SLCO6A1: variants seen among roughly 807,000 people sequenced by gnomAD.
The protein encoded by SLCO6A1 is solute carrier organic anion transporter family member 6A1.
In SLCO6A1, 65 loss-of-function variants were observed where a neutral mutation model predicts 72.7. The ratio of observed to expected loss-of-function variants is 0.89; its 90% CI spans 0.73 to 1.10. The LOEUF is 1.10. SLCO6A1 is among the 50% of genes least tolerant of loss of function. The probability of loss-of-function intolerance (pLI) is 0.00; values close to 1 mark genes in which losing one functional copy is unlikely to be tolerated. For missense variants in SLCO6A1, 874 were observed against 872.6 expected (o/e 1.00, Z -0.02); for synonymous variants, 314 against 298.2 (o/e 1.05, Z -0.55).
intron 1 of SLCO6A1, among the ~76,000 whole-genome samples, chr5:102,483,426 AG>A (rs1580513855): frequency 6.6e-5 from 10 of 152,306 alleles, no homozygotes; most frequent in Admixed American, 2.6e-4. Context: ...CTCACCAAAA[AG>A]TGTGCCTCTT....
intron 12 of SLCO6A1, among the ~76,000 whole-genome samples, chr5:102,386,016 G>A (rs1352606722): frequency 5.3e-5 from 8 of 152,012 alleles, no homozygotes; most frequent in Non-Finnish European, 8.8e-5. Context: ...GTTTTATTGC[G>A]TTGCTTTGGT....
intron 6 of SLCO6A1, among the ~76,000 whole-genome samples, chr5:102,448,059 T>G (rs1395700811): frequency 6.6e-6 from 1 of 152,202 alleles, no homozygotes; most frequent in Non-Finnish European, 1.5e-5. Flanking sequence ...CCAGAGATTC[T>G]GGTATGTTGT....
At chr5:102,483,989 T>C (rs940694546) in intron 1 of SLCO6A1, among the ~76,000 whole-genome samples, 1 of 152,208 alleles carries the variant, frequency 6.6e-6, no homozygotes, top group African/African-American at 2.4e-5. Context: ...GAGTTTCTTA[T>C]GAAACTAGGA....
At chr5:102,469,633 A>G (rs1310846461) in intron 4 of SLCO6A1, among the ~76,000 whole-genome samples, 1 of 152,022 alleles carries the variant, frequency 6.6e-6, no homozygotes, top group East Asian at 1.9e-4. Context: ...CTCTTTTTGT[A>G]ATTAAATACC....
intron 4 of SLCO6A1, among the ~76,000 whole-genome samples, chr5:102,473,523 A>G (rs888806955): frequency 3.3e-5 from 5 of 152,028 alleles, no homozygotes; most frequent in African/African-American, 7.2e-5. Context: ...ATCATACTCA[A>G]TGGTGAAAAC....
intron 7 of SLCO6A1, among the ~76,000 whole-genome samples, chr5:102,422,746 C>G (rs977050953): frequency 2.6e-5 from 4 of 152,106 alleles, no homozygotes; most frequent in African/African-American, 9.6e-5. Flanking sequence ...CAAGACAGGC[C>G]AACATTCAAA....
intron 6 of SLCO6A1, among the ~76,000 whole-genome samples, chr5:102,451,833 C>G (rs1750434761): frequency 6.6e-6 from 1 of 152,186 alleles, no homozygotes; most frequent in Admixed American, 6.5e-5. Context: ...TGTCTCCTCT[C>G]CATGACAGCA....
At chr5:102,389,686 A>G (rs1207659153) in intron 11 of SLCO6A1, among the ~76,000 whole-genome samples, 1 of 151,746 alleles carries the variant, frequency 6.6e-6, no homozygotes, top group African/African-American at 2.4e-5. Flanking sequence ...TCCATTTTTT[A>G]CCATCTTTTT....
Position 102,414,327 on chromosome 5 carries a change from C to T in SLCO6A1, c.1473-1184G>A, listed in dbSNP as rs192992725. On this transcript the variant is annotated intron_variant, in intron 8 of 13. Transcript: ENST00000506729. ...ATTTCTTAAAATTATTGGAGCAAGACAAAATTGCCCACTTTTAGCAGTCCT... is the reference window on the plus strand; with the variant it reads ...ATTTCTTAAAATTATTGGAGCAAGATAAAATTGCCCACTTTTAGCAGTCCT... Among the ~76,000 whole-genome samples, 290 of 152,172 alleles carry T rather than the reference C, an allele frequency of 1.9e-3. 3 individuals carry two copies. Among genetic ancestry groups the T allele is most frequent in the African/African-American group, 6.7e-3 (280 of 41,520 alleles).
chr5:102,388,977 T>TTCCAGTGATTAAC, intron 11 of SLCO6A1, 152 bp from the exon 12 acceptor site: 2 of 727,770 alleles, frequency 2.7e-6, no homozygotes, highest in Non-Finnish European at 4.2e-6. Flanking sequence ...ATAGGATTGT[T>TTCCAGTGATTAAC]AATCACTGGA....
intron 10 of SLCO6A1, among the ~76,000 whole-genome samples, chr5:102,392,709 A>G (rs1228430385): frequency 6.6e-6 from 1 of 152,100 alleles, no homozygotes; most frequent in Non-Finnish European, 1.5e-5. Context: ...AAGCATTAAC[A>G]TTTTTAAAAT....
In SLCO6A1 at chr5:102,373,444, T is replaced by C. The variant is rs758765105; in HGVS notation, c.2068A>G (p.Ile690Val). Residue 690 changes from isoleucine to valine, a missense_variant, in exon 13 of 14, where the codon ATA (isoleucine) becomes GTA (valine). Coordinates refer to ENST00000506729, the MANE Select transcript of SLCO6A1 (RefSeq NM_173488.5). ...TTCTCATTTAGACGACGTTTGTATA[T>C]GAAAAATGCAATAGTAGTGAAGATG... ...TIIFTTIAFF[I>V]YKRRLNENTD... is the part of the protein sequence containing the mutation. The C allele has an allele frequency of 1.3e-5, 21 of 1,574,144 alleles. No individual in the cohort carries two copies. Among genetic ancestry groups the C allele is most frequent in the South Asian group, 4.8e-5 (4 of 82,572 alleles).
At chr5:102,415,412 T>C (rs6596485) in intron 8 of SLCO6A1, among the ~76,000 whole-genome samples, 98,382 of 151,954 alleles carry the variant, frequency 0.65, 32,056 homozygotes, top group African/African-American at 0.67. Context: ...CACATATTTA[T>C]AGCCAACTGA....
At chr5:102,477,566 A>G (rs1348622386) in intron 3 of SLCO6A1, 110 bp downstream of exon 3, 10 of 803,850 alleles carry the variant, frequency 1.2e-5, no homozygotes, top group Admixed American at 1.0e-4. Flanking sequence ...ATCATTTATT[A>G]CAATGTTATC....
At chr5:102,426,269 G>T (rs1279715670) in intron 7 of SLCO6A1, among the ~76,000 whole-genome samples, 1 of 152,140 alleles carries the variant, frequency 6.6e-6, no homozygotes. Flanking sequence ...ATTGACAAAT[G>T]GAATCTAATT....
rs749520598 is a variant in SLCO6A1 at position 102,399,537 on chromosome 5, T to A, written c.1814+18A>T. 7.5e-7 allele frequency: 1 copy of A among 1,330,060 alleles called. No homozygotes were observed. The highest frequency in any genetic ancestry group is 2.4e-5 in the South Asian group (1 of 41,206). 82.4% of individuals were successfully genotyped at this position (1,330,060 alleles called of 1,614,324 possible). Reference sequence around the variant, plus strand: ...TTATATATTAAATAAACAATAATAATGAGTAATATATACATACCGCGTCAT... The same window carrying A: ...TTATATATTAAATAAACAATAATAAAGAGTAATATATACATACCGCGTCAT... On this transcript the variant is annotated intron_variant, in intron 10 of 13. Transcript: ENST00000506729.
chr5:102,470,490 G>C (rs1751550574), intron 4 of SLCO6A1, among the ~76,000 whole-genome samples: 1 of 152,076 alleles, frequency 6.6e-6, no homozygotes, highest in African/African-American at 2.4e-5. Context: ...GTATTTCTGT[G>C]GGATCAGTGG....
chr5:102,378,996 G>T (rs1208698282), intron 12 of SLCO6A1, among the ~76,000 whole-genome samples: 1 of 152,034 alleles, frequency 6.6e-6, no homozygotes, highest in East Asian at 1.9e-4. Context: ...AGCCAGGATG[G>T]TCTCGAACAC....
At chr5:102,407,869 C>T (rs572338769) in intron 9 of SLCO6A1, among the ~76,000 whole-genome samples, 1 of 152,126 alleles carries the variant, frequency 6.6e-6, no homozygotes, top group Admixed American at 6.5e-5. Context: ...CTTTCCAAGG[C>T]CCTCCAGAAA....
Sources: allele counts gnomAD v4.1 joint callset (sites outside exome capture counted in the v4.1 genomes callset), GRCh38; gene constraint gnomAD v4.1.1; transcripts MANE v1.5; gene names NCBI Gene and HGNC (gene_info 2026-07-23, HGNC 2026-07-21).